Variants in ARNT2 observed in about 807,000 individuals in gnomAD.
The protein encoded by ARNT2 is ARNT protein 2.
ARNT2 carries 36 observed loss-of-function variants against 91.7 expected under a neutral mutation model. The ratio of observed to expected loss-of-function variants is 0.39; its 90% confidence interval spans 0.30 to 0.52. The LOEUF (loss-of-function observed/expected upper bound fraction) is 0.52, where lower values mean the gene tolerates loss of function less well. Among genes scored for constraint, ARNT2 ranks in the 20% least tolerant of loss-of-function variants. The pLI is 0.72. For synonymous variants in ARNT2, 365 were observed against 347.1 expected, an observed-to-expected ratio of 1.05 and a Z score of -0.57; for missense variants, 775 against 939.3, an observed-to-expected ratio of 0.83 and a Z score of 2.29.
chr15:80,406,407 G>C (rs1180133221), intron 1 of ARNT2, among the ~76,000 whole-genome samples: 1 of 152,122 alleles, frequency 6.6e-6, no homozygotes, highest in Admixed American at 6.5e-5. Context: ...AAAATCAATG[G>C]AAAATTGATA....
chr15:80,451,917 A>G (rs1420982128), intron 2 of ARNT2, among the ~76,000 whole-genome samples: 1 of 152,246 alleles, frequency 6.6e-6, no homozygotes, highest in Admixed American at 6.5e-5. Context: ...ATCAATTTGT[A>G]CTTTTAAAGC....
intron 5 of ARNT2, among the ~76,000 whole-genome samples, chr15:80,506,313 T>G (rs948595273): frequency 3.3e-5 from 5 of 152,256 alleles, no homozygotes; most frequent in Non-Finnish European, 7.3e-5. Flanking sequence ...CACTGCACTG[T>G]GGTCTTGCAT....
chr15:80,484,846 C>T (rs1422446743), intron 5 of ARNT2, among the ~76,000 whole-genome samples: 1 of 151,998 alleles, frequency 6.6e-6, no homozygotes, highest in Non-Finnish European at 1.5e-5. Flanking sequence ...AGGGAGGCAG[C>T]GGGGGAGTGG....
At chr15:80,527,104 T>C (rs930985201) in intron 8 of ARNT2, among the ~76,000 whole-genome samples, 1 of 152,240 alleles carries the variant, frequency 6.6e-6, no homozygotes. Context: ...CAAAGTCTTC[T>C]GGCCTCTTTG....
At position 80,575,077 on chromosome 15, in the gene ARNT2, C is replaced by G; in HGVS notation, c.1480C>G (p.Arg494Gly). The change falls in exon 14 of 19, where the codon CGG becomes GGG. Residue 494 changes from arginine to glycine, a missense_variant. This residue lies in a region of ARNT2 where 325 missense variants were observed against 359.9 expected (regional missense o/e 0.90). Coordinates refer to ENST00000303329, the MANE Select transcript of ARNT2 (RefSeq NM_014862.4). ...DAIFSQERDP[R>G]FAEMFAGISA... is the part of the protein sequence containing the mutation. ...AATCTTCTCCCAGGAAAGAGATCCTCGGTTTGCTGAAATGTTTGCAGGAAT... is the reference window on the plus strand; with the variant it reads ...AATCTTCTCCCAGGAAAGAGATCCTGGGTTTGCTGAAATGTTTGCAGGAAT... The G allele has an allele frequency of 1.9e-6, 3 of 1,614,172 alleles. No individual in the cohort carries two copies. The highest frequency in any genetic ancestry group is 2.2e-5 in the South Asian group (2 of 91,076).
chr15:80,524,561 C>T (rs1338504493), intron 8 of ARNT2, among the ~76,000 whole-genome samples: 2 of 152,094 alleles, frequency 1.3e-5, no homozygotes, highest in East Asian at 3.8e-4. Context: ...ATTAAACAGG[C>T]ATGCTTTTAG....
Position 80,591,494 on chromosome 15 carries a change from C to G in ARNT2, c.1919-74C>G. 3 of 1,584,620 alleles carry G rather than the reference C, an allele frequency of 1.9e-6. No homozygotes were observed. The highest frequency in any genetic ancestry group is 2.6e-6 in the Non-Finnish European group (3 of 1,158,516). ...TTTCAGAAGCGGGAGGCCCTCCAGC[C>G]GCAGTGGTTCTTAGGTCTCACAGAA... is the stretch of plus-strand genomic sequence containing the variant. On this transcript the variant is annotated intron_variant, in intron 17 of 18. Coordinates refer to ENST00000303329, the MANE Select transcript of ARNT2 (RefSeq NM_014862.4). The surrounding 1 kb of genome is among the most constrained non-coding windows in gnomAD (Gnocchi z 5.1).
chr15:80,543,971 C>A (rs913449159), intron 8 of ARNT2, among the ~76,000 whole-genome samples: 20 of 151,992 alleles, frequency 1.3e-4, no homozygotes, highest in African/African-American at 4.3e-4. Context: ...AAACTCCTGA[C>A]CTCAAGTGAT....
intron 5 of ARNT2, among the ~76,000 whole-genome samples, chr15:80,505,141 A>G (rs571060074): frequency 6.6e-6 from 1 of 152,330 alleles, no homozygotes; most frequent in South Asian, 2.1e-4. Flanking sequence ...TTGTATCACA[A>G]TAATCCTGAA....
intron 8 of ARNT2, among the ~76,000 whole-genome samples, chr15:80,545,027 G>T (rs1486424580): frequency 6.6e-6 from 1 of 152,158 alleles, no homozygotes. Flanking sequence ...ATGGACATGG[G>T]ATTGAAGTCT....
Position 80,555,058 on chromosome 15 carries a change from T to C in ARNT2, c.1090-7T>C, listed in dbSNP as rs1437154993. ...TGGGATTATTAAAGCTTGTCTCTTTTATTTAGGATCTTCTGGGAAAGGACA... is the reference window on the plus strand; with the variant it reads ...TGGGATTATTAAAGCTTGTCTCTTTCATTTAGGATCTTCTGGGAAAGGACA... On this transcript the variant is annotated splice_polypyrimidine_tract_variant and splice_region_variant and intron_variant, in intron 10 of 18. Transcript: ENST00000303329. 3 of 1,613,584 alleles carry C rather than the reference T, an allele frequency of 1.9e-6. No individual in the cohort carries two copies. The highest frequency in any genetic ancestry group is 1.7e-5 in the Admixed American group (1 of 60,034).
intron 12 of ARNT2, among the ~76,000 whole-genome samples, chr15:80,568,010 C>T (rs574005032): frequency 1.3e-5 from 2 of 152,148 alleles, no homozygotes; most frequent in African/African-American, 2.4e-5. Context: ...TTTGCAAGCT[C>T]GGTTGCTTTC....
At chr15:80,584,718 C>T (rs907419994) in intron 17 of ARNT2, among the ~76,000 whole-genome samples, 2 of 152,224 alleles carry the variant, frequency 1.3e-5, no homozygotes, top group Non-Finnish European at 2.9e-5. Context: ...TCTGTGCAGC[C>T]CTGGGGCCTA....
chr15:80,501,239 T>C (rs998007852), intron 5 of ARNT2, among the ~76,000 whole-genome samples: 1 of 151,656 alleles, frequency 6.6e-6, no homozygotes, highest in Non-Finnish European at 1.5e-5. Flanking sequence ...AGTAAAAGTC[T>C]AATAGTAAAT....
At chr15:80,503,020 G>T (rs1897221925) in intron 5 of ARNT2, among the ~76,000 whole-genome samples, 1 of 152,214 alleles carries the variant, frequency 6.6e-6, no homozygotes, top group South Asian at 2.1e-4. Context: ...AGCCTTGGCT[G>T]GATGGATTGT....
chr15:80,424,089 A>G (rs1325537894), intron 1 of ARNT2, among the ~76,000 whole-genome samples: 1 of 152,190 alleles, frequency 6.6e-6, no homozygotes, highest in Non-Finnish European at 1.5e-5. Flanking sequence ...GGTCTTAGGT[A>G]GAATAGCCCT....
chr15:80,521,625 A>G (rs1897547753), intron 8 of ARNT2, among the ~76,000 whole-genome samples: 2 of 152,202 alleles, frequency 1.3e-5, no homozygotes, highest in Non-Finnish European at 2.9e-5. Flanking sequence ...CCATATAAAT[A>G]AATACTTTAA....
chr15:80,456,110 C>T (rs3848176), intron 2 of ARNT2, among the ~76,000 whole-genome samples: 2,103 of 152,200 alleles, frequency 0.014, 49 homozygotes, highest in African/African-American at 0.048. Flanking sequence ...AGTAATTATG[C>T]AGAATATTGA....
In ARNT2 at chr15:80,404,560, TG is replaced by T; in HGVS notation, c.31+17del. On this transcript the variant is annotated intron_variant, in intron 1 of 18. Coordinates refer to ENST00000303329, the MANE Select transcript of ARNT2 (RefSeq NM_014862.4). The surrounding 1 kb of genome is among the most constrained non-coding windows in gnomAD (Gnocchi z 5.5). Reference sequence around the variant, plus strand: ...TCAACCCTCCGGGTGAGTAGCGGCCTGGGCCCCGCCGCCCGCCGCAGCCCGC... The same window carrying T: ...TCAACCCTCCGGGTGAGTAGCGGCCTGGCCCCGCCGCCCGCCGCAGCCCGC... The T allele has an allele frequency of 1.8e-6, 2 of 1,115,332 alleles. No individual in the cohort carries two copies. Among genetic ancestry groups the T allele is most frequent in the East Asian group, 7.6e-5 (1 of 13,114 alleles). 69.1% of individuals were successfully genotyped at this position (1,115,332 alleles called of 1,614,324 possible). A position where few individuals can be genotyped will look rare whatever the true frequency, so the allele number is the denominator to read the frequency against.
Sources: allele counts gnomAD v4.1 joint callset (sites outside exome capture counted in the v4.1 genomes callset), GRCh38; gene constraint gnomAD v4.1.1; regional missense constraint gnomAD v4.1.1; non-coding constraint Gnocchi (gnomAD v3.1); transcripts MANE v1.5; gene names NCBI Gene and HGNC (gene_info 2026-07-23, HGNC 2026-07-21).